AQP1: variants seen among roughly 807,000 people sequenced by gnomAD.
AQP1 encodes aquaporin-1.
AQP1 carries 11 observed loss-of-function variants against 19.7 expected under a neutral mutation model. The ratio of observed to expected loss-of-function variants is 0.56; its 90% confidence interval spans 0.35 to 0.92. The LOEUF is 0.92. Among genes scored for constraint, AQP1 ranks in the 40% least tolerant of loss-of-function variants. The probability of loss-of-function intolerance (pLI) is 0.01; values close to 1 mark genes in which losing one functional copy is unlikely to be tolerated. For synonymous variants in AQP1, 159 were observed against 166.7 expected, an observed-to-expected ratio of 0.95 and a Z score of 0.36; for missense variants, 320 against 369.7, an observed-to-expected ratio of 0.87 and a Z score of 1.10.
At position 30,923,919 on chromosome 7, in the gene AQP1, A is replaced by C. The variant is rs1791604108; in HGVS notation, c.*290A>C. The C allele has an allele frequency of 1.4e-6, 2 of 1,449,258 alleles. No homozygotes were observed. Among genetic ancestry groups the C allele is most frequent in the South Asian group, 2.3e-5 (2 of 87,114 alleles). 89.8% of individuals were successfully genotyped at this position (1,449,258 alleles called of 1,614,324 possible). The stretch of plus-strand genomic sequence containing the variant: ...GGGACCCACCTGCTAGTCGCCCCTC[A>C]GAGCATGATGGGAGGTGTGCCAGAA... On this transcript the variant is annotated 3_prime_UTR_variant, in exon 4 of 4. Coordinates refer to ENST00000311813, the MANE Select transcript of AQP1 (RefSeq NM_198098.4). The surrounding 1 kb of genome is among the most constrained non-coding windows in gnomAD (Gnocchi z 4.8).
In AQP1 at chr7:30,920,666, A is replaced by G. The variant is rs1180434317; in HGVS notation, c.385-1400A>G. On this transcript the variant is annotated intron_variant, in intron 1 of 3. Transcript: ENST00000311813. The stretch of plus-strand genomic sequence containing the variant: ...GACTGAAGACCAGAGGGAATAGGCC[A>G]TGCTCATGGTGCCAGAAAGTAGAAG... 3.9e-5 allele frequency among the ~76,000 whole-genome samples: 6 copies of G among 152,242 alleles called. No individual in the cohort carries two copies. The East Asian group carries it at 9.6e-4, about 24-fold the overall frequency.
intron 1 of AQP1, among the ~76,000 whole-genome samples, chr7:30,913,757 C>T (rs895847354): frequency 2.0e-5 from 3 of 152,184 alleles, no homozygotes; most frequent in Admixed American, 6.5e-5. Context: ...AGATTAGCTC[C>T]GTGGGCTGGA....
rs1791534897 is a variant in AQP1, at chr7:30,922,242, G to GC, written c.549+15dup. The GC allele has an allele frequency of 5.7e-6, 9 of 1,581,078 alleles. No individual in the cohort carries two copies. The highest frequency in any genetic ancestry group is 6.8e-6 in the Non-Finnish European group (8 of 1,169,688). On this transcript the variant is annotated intron_variant, in intron 2 of 3. Coordinates refer to ENST00000311813, the MANE Select transcript of AQP1 (RefSeq NM_198098.4). Reference sequence around the variant, plus strand: ...GACACCTCCTGGCTGTGAGTCAGGGGCCCTCCCAGATGGAGGTGGGGGAAG... The same window carrying GC: ...GACACCTCCTGGCTGTGAGTCAGGGGCCCCTCCCAGATGGAGGTGGGGGAAG...
intron 1 of AQP1, among the ~76,000 whole-genome samples, chr7:30,915,887 G>A (rs915043152): frequency 1.3e-5 from 2 of 152,186 alleles, no homozygotes; most frequent in East Asian, 3.9e-4. Flanking sequence ...GAGGGATGGG[G>A]AAAGGAAGGC....
intron 1 of AQP1, among the ~76,000 whole-genome samples, chr7:30,917,286 G>A (rs540372183): frequency 6.6e-6 from 1 of 152,304 alleles, no homozygotes; most frequent in Non-Finnish European, 1.5e-5. Context: ...TCAAGACTGG[G>A]TGGTCCCACT....
In AQP1 at chr7:30,924,192, C is replaced by A; in HGVS notation, c.*563C>A. Reference sequence around the variant, plus strand: ...CTTACTGCCTGACCTTGGAATCGTCCCTATATCAGGGCCTGAGTGACCTCC... The same window carrying A: ...CTTACTGCCTGACCTTGGAATCGTCACTATATCAGGGCCTGAGTGACCTCC... On this transcript the variant is annotated 3_prime_UTR_variant, in exon 4 of 4. Transcript: ENST00000311813. 1 of 1,082,584 alleles carries A rather than the reference C, an allele frequency of 9.2e-7. No homozygotes were observed. Among genetic ancestry groups the A allele is most frequent in the Non-Finnish European group, 1.2e-6 (1 of 858,594 alleles). The allele number at this position is 1,082,584 out of a possible 1,614,324, so 67.1% of individuals were successfully genotyped here. A position where few individuals can be genotyped will look rare whatever the true frequency, so the allele number is the denominator to read the frequency against.
intron 1 of AQP1, 192 bp from the exon 2 acceptor site, chr7:30,921,874 G>C (rs758602553): frequency 5.9e-6 from 9 of 1,536,460 alleles, no homozygotes; most frequent in African/African-American, 2.8e-5. Flanking sequence ...ATTAACACAG[G>C]GGGTGGGTTC....
intron 1 of AQP1, among the ~76,000 whole-genome samples, chr7:30,920,332 C>T (rs1791467920): frequency 6.6e-6 from 1 of 152,168 alleles, no homozygotes; most frequent in African/African-American, 2.4e-5. Context: ...GGACAGGGGC[C>T]TCACAGGTGC....
At chr7:30,920,209 C>G (rs190863966) in intron 1 of AQP1, among the ~76,000 whole-genome samples, 1 of 152,130 alleles carries the variant, frequency 6.6e-6, no homozygotes, top group Admixed American at 6.5e-5. Flanking sequence ...CATTAATCAT[C>G]GGGGAAGGGC....
At chr7:30,915,130 C>G (rs1791279108) in intron 1 of AQP1, among the ~76,000 whole-genome samples, 1 of 152,090 alleles carries the variant, frequency 6.6e-6, no homozygotes, top group Non-Finnish European at 1.5e-5. Flanking sequence ...GTAGGAGATG[C>G]TGGTGGACTC....
chr7:30,923,446 C>G lies in AQP1; in HGVS notation c.631-4C>G. The G allele has an allele frequency of 1.2e-6, 2 of 1,613,884 alleles. No individual in the cohort carries two copies. The highest frequency in any genetic ancestry group is 1.7e-6 in the Non-Finnish European group (2 of 1,179,982). On this transcript the variant is annotated splice_polypyrimidine_tract_variant and splice_region_variant and intron_variant, in intron 3 of 3. Coordinates refer to ENST00000311813, the MANE Select transcript of AQP1 (RefSeq NM_198098.4). The surrounding 1 kb of genome is among the most constrained non-coding windows in gnomAD (Gnocchi z 4.8). ...CCCTCTGAACACACCTGCTCTGTTC[C>G]TAGATTTTCTGGGTGGGGCCATTCA...
At chr7:30,921,746 A>G (rs1321945346) in intron 1 of AQP1, 1 of 1,550,800 alleles carries the variant, frequency 6.4e-7, no homozygotes, top group Admixed American at 2.0e-5. Context: ...GGTACCCCAG[A>G]ATACCCTGGC....
Position 30,914,970 on chromosome 7 carries a change from AG to A in AQP1, c.384+2679del, listed in dbSNP as rs28362703. Among the ~76,000 whole-genome samples, 608 of 152,274 alleles carry A rather than the reference AG, an allele frequency of 4.0e-3. 7 individuals are homozygous for A. Among genetic ancestry groups the A allele is most frequent in the African/African-American group, 0.014 (581 of 41,566 alleles). On this transcript the variant is annotated intron_variant, in intron 1 of 3. Transcript: ENST00000311813. ...AATACCAATTTTGGCTAAGGGTGAGAGGCTCTGAGGCTGGGGTGGACACTCT... is the reference window on the plus strand; with the variant it reads ...AATACCAATTTTGGCTAAGGGTGAGAGCTCTGAGGCTGGGGTGGACACTCT...
At chr7:30,913,793 T>C (rs1187868208) in intron 1 of AQP1, among the ~76,000 whole-genome samples, 9 of 152,100 alleles carry the variant, frequency 5.9e-5, no homozygotes, top group Non-Finnish European at 1.0e-4. Flanking sequence ...AGTTTAGACG[T>C]GGCCGCGGGG....
intron 1 of AQP1, 185 bp from the exon 2 acceptor site, chr7:30,921,881 G>T: frequency 8.5e-6 from 13 of 1,531,010 alleles, no homozygotes; most frequent in Non-Finnish European, 1.1e-5. Context: ...CAGGGGGTGG[G>T]TTCAAGGCCT....
chr7:30,922,297 C>T (rs1253590107), intron 2 of AQP1, 67 bp downstream of exon 2: 2 of 1,521,500 alleles, frequency 1.3e-6, no homozygotes, highest in African/African-American at 2.7e-5. Flanking sequence ...GGTGCCCTGC[C>T]ATGGGCAGCC....
At chr7:30,919,517 C>CAATTGAG (rs28362726) in intron 1 of AQP1, among the ~76,000 whole-genome samples, 4 of 149,220 alleles carry the variant, frequency 2.7e-5, no homozygotes, top group African/African-American at 9.9e-5. Flanking sequence ...AGCGGGAAGA[C>CAATTGAG]AATTGAGAAT....
rs1476942158 is a variant in AQP1 at position 30,911,964 on chromosome 7, C to G, written c.55C>G (p.Leu19Val). The change falls in exon 1 of 4, where the codon CTG becomes GTG. Residue 19 changes from leucine (L) to valine (V), a missense_variant. Leu to Val is a conservative substitution (Grantham distance 32). Coordinates refer to ENST00000311813, the MANE Select transcript of AQP1 (RefSeq NM_198098.4). ...LFWRAVVAEF[L>V]ATTLFVFISI... Reference sequence around the variant, plus strand: ...CTGGAGGGCAGTGGTGGCCGAGTTCCTGGCCACGACCCTCTTTGTCTTCAT... The same window carrying G: ...CTGGAGGGCAGTGGTGGCCGAGTTCGTGGCCACGACCCTCTTTGTCTTCAT... 1 of 1,613,582 alleles carries G rather than the reference C, an allele frequency of 6.2e-7. No individual in the cohort carries two copies. Among genetic ancestry groups the G allele is most frequent in the Non-Finnish European group, 8.5e-7 (1 of 1,180,046 alleles).
In AQP1 at chr7:30,923,366, G is replaced by T; in HGVS notation, c.631-84G>T. 2 of 1,602,880 alleles carry T rather than the reference G, an allele frequency of 1.2e-6. 1 individual carries two copies. The highest frequency in any genetic ancestry group is 2.2e-5 in the South Asian group (2 of 89,426). On this transcript the variant is annotated intron_variant, in intron 3 of 3. Coordinates refer to ENST00000311813, the MANE Select transcript of AQP1 (RefSeq NM_198098.4). This position sits in a 1 kb window ranked among gnomAD's most constrained non-coding sequence, Gnocchi z 4.8. ...CAGGTGGGAAAAACCTGTCCAACGGGGTGGTGGGCTGTGGGGTAACCTAGG... is the reference window on the plus strand; with the variant it reads ...CAGGTGGGAAAAACCTGTCCAACGGTGTGGTGGGCTGTGGGGTAACCTAGG...
Sources: allele counts gnomAD v4.1 joint callset (sites outside exome capture counted in the v4.1 genomes callset), GRCh38; gene constraint gnomAD v4.1.1; non-coding constraint Gnocchi (gnomAD v3.1); transcripts MANE v1.5; gene names NCBI Gene and HGNC (gene_info 2026-07-23, HGNC 2026-07-21).